The following GAR1 variants were observed in gnomAD, a reference collection of about 807,000 sequenced individuals.
GAR1 encodes the protein GAR1 ribonucleoprotein, also known as H/ACA ribonucleoprotein complex subunit 1.
GAR1 carries 11 observed loss-of-function variants against 29.3 expected under a neutral mutation model. The observed-to-expected ratio is 0.38, with a 90% CI of 0.24 to 0.62. The LOEUF is 0.62. GAR1 is among the 20% of genes least tolerant of loss of function. The pLI is 0.62. For missense variants in GAR1, 237 were observed against 268.4 expected, an observed-to-expected ratio of 0.88 and a Z score of 0.82; for synonymous variants, 87 against 93.3, an observed-to-expected ratio of 0.93 and a Z score of 0.39.
chr4:109,824,096 C>T, intron 6 of GAR1, 63 bp downstream of exon 6: 1 of 1,100,928 alleles, frequency 9.1e-7, no homozygotes, highest in Non-Finnish European at 1.4e-6. Flanking sequence ...CTGGCATTTT[C>T]TGTTTTTACT....
chr4:109,824,018 G>A lies in GAR1; in HGVS notation c.625G>A (p.Gly209Ser). ...GGGGGFRGGR[G>S]GGFRGRGH ...AGGTGGGGGCTTCAGAGGAGGAAGA[G>A]GTGGTGGTTTCAGAGGTGAGTATTT... Residue 209 changes from glycine to serine, a missense_variant, in exon 6 of 7, where the codon GGT becomes AGT. Gly to Ser is a moderately conservative substitution (Grantham distance 56). Coordinates refer to ENST00000226796, the MANE Select transcript of GAR1 (RefSeq NM_018983.4). 1 of 1,605,668 alleles carries A rather than the reference G, an allele frequency of 6.2e-7. No homozygotes were observed. The highest frequency in any genetic ancestry group is 1.1e-5 in the South Asian group (1 of 90,354).
rs147082071 is a variant in GAR1 at position 109,816,247 on chromosome 4, A to T, written c.83A>T (p.His28Leu). The T allele has an allele frequency of 1.5e-3, 2,405 of 1,609,152 alleles. 7 individuals carry two copies. Among genetic ancestry groups the T allele is most frequent in the Middle Eastern group, 3.6e-3 (20 of 5,536 alleles). The change falls in exon 2 of 7, where the codon CAC becomes CTC. Residue 28 changes from histidine to leucine, a missense_variant. Transcript: ENST00000226796. ...TTCAACCGAGGTGGCAGCAGCAACC[A>T]CTTCCGAGGTGGAGGCGGCGGTGGA... ...GGFNRGGSSN[H>L]FRGGGGGGGG...
intron 4 of GAR1, among the ~76,000 whole-genome samples, chr4:109,820,101 A>G (rs1173158327): frequency 2.0e-5 from 3 of 152,240 alleles, no homozygotes; most frequent in South Asian, 2.1e-4. Context: ...ATAGGAGGCT[A>G]TAATAGTAGT....
intron 4 of GAR1, among the ~76,000 whole-genome samples, chr4:109,821,679 CAGTTCTGTTG>C (rs1231806348): frequency 6.6e-6 from 1 of 152,042 alleles, no homozygotes; most frequent in Non-Finnish European, 1.5e-5. Flanking sequence ...TTTCTTACGG[CAGTTCTGTTG>C]AGTGGAAATG....
In GAR1 at chr4:109,823,945, AT is replaced by A; in HGVS notation, c.572-17del. The A allele has an allele frequency of 1.3e-6, 2 of 1,523,066 alleles. No individual in the cohort carries two copies. Among genetic ancestry groups the A allele is most frequent in the Non-Finnish European group, 1.8e-6 (2 of 1,099,026 alleles). 94.3% of individuals were successfully genotyped at this position (1,523,066 alleles called of 1,614,324 possible). A position where few individuals can be genotyped will look rare whatever the true frequency, so the allele number is the denominator to read the frequency against. ...TGTTATTTAAATACTTTGCGTTATT[AT>A]TTAATAAATGTTTTTTAGGTGGTTT... On this transcript the variant is annotated intron_variant, in intron 5 of 6. Transcript: ENST00000226796.
chr4:109,817,493 G>A (rs1221506711), intron 2 of GAR1, among the ~76,000 whole-genome samples: 3 of 152,106 alleles, frequency 2.0e-5, no homozygotes, highest in Non-Finnish European at 2.9e-5. Flanking sequence ...AATGAAGGCT[G>A]ATTCTGTTAG....
At chr4:109,817,892 T>G (rs764630223) in intron 2 of GAR1, 44 bp from the exon 3 acceptor site, 1 of 1,533,748 alleles carries the variant, frequency 6.5e-7, no homozygotes, top group South Asian at 1.2e-5. Context: ...GTCAGTATCG[T>G]TTGAAATAGT....
intron 4 of GAR1, among the ~76,000 whole-genome samples, chr4:109,821,757 G>T (rs1175933700): frequency 6.6e-6 from 1 of 152,012 alleles, no homozygotes; most frequent in Non-Finnish European, 1.5e-5. Context: ...TTTTTAATAT[G>T]CATGTAATGC....
In GAR1 at chr4:109,822,130, T is replaced by A. The variant is rs1301298409; in HGVS notation, c.430-217T>A. ...ACCTATGTAACAAACCTGCACGTTC[T>A]GCACATGTATCCCAGAACTTAAGGT... is the stretch of plus-strand genomic sequence containing the variant. On this transcript the variant is annotated intron_variant, in intron 4 of 6. Coordinates refer to ENST00000226796, the MANE Select transcript of GAR1 (RefSeq NM_018983.4). Among the ~76,000 whole-genome samples, 3 of 138,674 alleles carry A rather than the reference T, an allele frequency of 2.2e-5. No homozygotes were observed. In the South Asian group the frequency reaches 6.9e-4, roughly 32 times the overall value. 91.0% of individuals were successfully genotyped at this position (138,674 alleles called of 152,430 possible). A position where few individuals can be genotyped will look rare whatever the true frequency, so the allele number is the denominator to read the frequency against.
In GAR1 at chr4:109,822,458, G is replaced by C. The variant is rs779458179; in HGVS notation, c.541G>C (p.Gly181Arg). The stretch of plus-strand genomic sequence containing the variant: ...CAGGGGAGGCCGAGGAGGAGGAAGA[G>C]GAGGAGGTGGCAGAGGTGGTGGCAG... ...GGRGGRGGGR[G>R]GGGRGGGRGG... The change falls in exon 5 of 7, where the codon GGA becomes CGA. Residue 181 changes from glycine (G) to arginine (R), a missense_variant. Physicochemically the swap from Gly to Arg is moderately radical, Grantham distance 125. Transcript: ENST00000226796. 5.6e-6 allele frequency: 9 copies of C among 1,603,186 alleles called. No homozygotes were observed. In the South Asian group the frequency reaches 1.0e-4, roughly 18 times the overall value.
In GAR1 at chr4:109,816,318, G is replaced by C. The variant is rs1319436812; in HGVS notation, c.154G>C (p.Gly52Arg). ...RGGGRGGFGR[G>R]GGRGGFNKGQ... ...CGGCGGCAGGGGAGGATTTGGACGA[G>C]GGGGTGGCCGCGGAGGCTTTAACAA... is the stretch of plus-strand genomic sequence containing the variant. Residue 52 changes from glycine to arginine, a missense_variant, in exon 2 of 7, where the codon GGG becomes CGG. Gly to Arg is a moderately radical substitution (Grantham distance 125). Coordinates refer to ENST00000226796, the MANE Select transcript of GAR1 (RefSeq NM_018983.4). 2 of 1,613,470 alleles carry C rather than the reference G, an allele frequency of 1.2e-6. No homozygotes were observed. Among genetic ancestry groups the C allele is most frequent in the Non-Finnish European group, 1.7e-6 (2 of 1,179,830 alleles).
intron 6 of GAR1, 77 bp downstream of exon 6, chr4:109,824,110 GT>G: frequency 3.0e-6 from 3 of 1,000,236 alleles, no homozygotes; most frequent in Non-Finnish European, 4.7e-6. Context: ...TTTTACTTAA[GT>G]TTAATTTTCT....
In GAR1 at chr4:109,819,050, A is replaced by G; in HGVS notation, c.419A>G (p.Lys140Arg). Residue 140 changes from lysine to arginine, a missense_variant, in exon 4 of 7, where the codon AAA (lysine) becomes AGA (arginine). By Grantham distance (26) the Lys-to-Arg change is conservative. Transcript: ENST00000226796. ...AACATGAAGGCTTCATCCTTTAAAAAACTACAGAAGGTGAGTCAAACTTAT... is the reference window on the plus strand; with the variant it reads ...AACATGAAGGCTTCATCCTTTAAAAGACTACAGAAGGTGAGTCAAACTTAT... ...SENMKASSFKKLQKFYIDPYK... is the reference protein window; with the variant it reads ...SENMKASSFKRLQKFYIDPYK... The G allele has an allele frequency of 6.7e-7, 1 of 1,494,348 alleles. No homozygotes were observed. Among genetic ancestry groups the G allele is most frequent in the Non-Finnish European group, 9.3e-7 (1 of 1,072,474 alleles). The allele number at this position is 1,494,348 out of a possible 1,614,324, so 92.6% of individuals were successfully genotyped here.
Position 109,815,773 on chromosome 4 carries a change from C to G in GAR1, c.-44C>G, listed in dbSNP as rs1231470440. On this transcript the variant is annotated 5_prime_UTR_variant, in exon 1 of 7. Transcript: ENST00000226796. ...AGTACCCCGCGGGTGGGTGTGTGCGCAAGGCCAGGGCCAGAGGGGCACGTG... is the reference window on the plus strand; with the variant it reads ...AGTACCCCGCGGGTGGGTGTGTGCGGAAGGCCAGGGCCAGAGGGGCACGTG... 4.7e-6 allele frequency: 1 copy of G among 211,180 alleles called. No individual in the cohort carries two copies. 13.1% of individuals were successfully genotyped at this position (211,180 alleles called of 1,614,324 possible).
chr4:109,822,502 GGAAAATTTCTAAT>G lies in GAR1; in HGVS notation c.571+19_571+31del, dbSNP rs780531612. 3 of 1,585,256 alleles carry G rather than the reference GGAAAATTTCTAAT, an allele frequency of 1.9e-6. No individual in the cohort carries two copies. The highest frequency in any genetic ancestry group is 2.6e-6 in the Non-Finnish European group (3 of 1,170,960). On this transcript the variant is annotated intron_variant, in intron 5 of 6. Transcript: ENST00000226796. ...GTGGCAGAGGCGGTAAGTTACTTGGGGAAAATTTCTAATGAAATTAACTGTGACTTTCACAGCT... is the reference window on the plus strand; with the variant it reads ...GTGGCAGAGGCGGTAAGTTACTTGGGGAAATTAACTGTGACTTTCACAGCT...
intron 6 of GAR1, among the ~76,000 whole-genome samples, 186 bp from the exon 7 acceptor site, chr4:109,824,232 T>C (rs905567625): frequency 5.3e-5 from 8 of 152,150 alleles, no homozygotes; most frequent in African/African-American, 2.4e-5. Flanking sequence ...CACCTAATTC[T>C]AATTTGTTTT....
intron 1 of GAR1, 62 bp from the exon 2 acceptor site, chr4:109,816,091 G>A: frequency 6.8e-7 from 1 of 1,466,932 alleles, no homozygotes; most frequent in South Asian, 1.1e-5. Flanking sequence ...CAGCTCCGAG[G>A]GGTTGGAGTA....
At chr4:109,816,069 G>A (rs1733339742) in intron 1 of GAR1, 84 bp from the exon 2 acceptor site, 18 of 1,312,184 alleles carry the variant, frequency 1.4e-5, no homozygotes, top group Non-Finnish European at 2.0e-5. Flanking sequence ...CTCCTTTATG[G>A]TGTTCTCACC....
intron 4 of GAR1, among the ~76,000 whole-genome samples, chr4:109,820,137 C>G (rs549036805): frequency 6.6e-6 from 1 of 151,900 alleles, no homozygotes; most frequent in African/African-American, 2.4e-5. Context: ...ATTTTGGACT[C>G]GGTAGTGACA....
Sources: gnomAD v4.1 joint callset for allele counts (sites outside exome capture counted in the v4.1 genomes callset) on GRCh38, gnomAD v4.1.1 for gene constraint, MANE v1.5 for transcripts, NCBI Gene and HGNC (gene_info 2026-07-23, HGNC 2026-07-21) for gene names.